The following TRIM16 variants were observed in gnomAD, a reference collection of about 807,000 sequenced individuals.
TRIM16 encodes the protein tripartite motif-containing protein 16.
A neutral mutation model predicts 50.4 loss-of-function variants in TRIM16; 33 were observed. That is an observed-to-expected ratio of 0.65 (90% confidence interval 0.50 to 0.88). The LOEUF is 0.88. TRIM16 is among the 40% of genes least tolerant of loss of function. The probability of loss-of-function intolerance (pLI) is 0.00; values close to 1 mark genes in which losing one functional copy is unlikely to be tolerated. For synonymous variants in TRIM16, 229 were observed against 270.7 expected (o/e 0.85, Z 1.51); for missense variants, 581 against 686.8 (o/e 0.85, Z 1.72).
intron 6 of TRIM16, among the ~76,000 whole-genome samples, chr17:15,659,632 TA>T (rs1988132148): frequency 6.6e-6 from 1 of 152,234 alleles, no homozygotes; most frequent in Non-Finnish European, 1.5e-5. Context: ...GGCTTATGCC[TA>T]AAAATGTCAA....
At chr17:15,634,000 C>T (rs1986576182) in intron 9 of TRIM16, among the ~76,000 whole-genome samples, 1 of 141,450 alleles carries the variant, frequency 7.1e-6, no homozygotes, top group African/African-American at 2.7e-5. Context: ...CGAGACCAGC[C>T]TGGCCAAGAT....
chr17:15,645,434 C>T (rs1304222475), intron 7 of TRIM16, among the ~76,000 whole-genome samples: 1 of 152,114 alleles, frequency 6.6e-6, no homozygotes, highest in East Asian at 1.9e-4. Context: ...TGCTTTGGCC[C>T]CAGCTTCAAT....
Position 15,651,718 on chromosome 17 carries a change from A to AT in TRIM16, c.-110dup. ...CCTAGATGATTGCAGCTGCTGCAAG[A>AT]TTTTAACTGTTTCCTCCCTCCCAGA... On this transcript the variant is annotated 5_prime_UTR_variant, in exon 7 of 12. An upstream open reading frame in the 5' UTR gains an earlier in-frame stop. Coordinates refer to ENST00000649191, the MANE Select transcript of TRIM16 (RefSeq NM_001348119.1). The AT allele has an allele frequency of 6.5e-7, 1 of 1,537,192 alleles. No individual in the cohort carries two copies.
At chr17:15,681,149 TA>T (rs1351579201) in intron 3 of TRIM16, 196 bp from the exon 4 acceptor site, 1 of 490,804 alleles carries the variant, frequency 2.0e-6, no homozygotes, top group African/African-American at 2.0e-5. Flanking sequence ...CAGGGAAAGG[TA>T]TGACCATTAA....
chr17:15,639,052 T>C (rs1198145050), intron 8 of TRIM16, among the ~76,000 whole-genome samples: 6 of 129,572 alleles, frequency 4.6e-5, no homozygotes, highest in Non-Finnish European at 6.6e-5. Context: ...TCTCTTTTTT[T>C]TTTTTTTTTT....
At chr17:15,647,911 C>T (rs1987481029) in intron 7 of TRIM16, among the ~76,000 whole-genome samples, 1 of 151,882 alleles carries the variant, frequency 6.6e-6, no homozygotes, top group Admixed American at 6.6e-5. Context: ...TGGCAGCCAG[C>T]AGGCAAGATC....
rs372778015 is a variant in TRIM16 at position 15,665,011 on chromosome 17, A to G, written c.-338+12165T>C. Among the ~76,000 whole-genome samples the G allele has an allele frequency of 4.2e-4, 57 of 135,434 alleles. 3 individuals carry two copies. The East Asian group carries it at 9.7e-3, about 23-fold the overall frequency. The allele number at this position is 135,434 out of a possible 152,430, so 88.8% of individuals were successfully genotyped here. ...GGCACCATTGCACTCCAGCCTGGGC[A>G]ACAGAGTGAGACTCCGTCTCAAAAA... On this transcript the variant is annotated intron_variant, in intron 6 of 11. Coordinates refer to ENST00000649191, the MANE Select transcript of TRIM16 (RefSeq NM_001348119.1).
intron 6 of TRIM16, among the ~76,000 whole-genome samples, chr17:15,672,551 T>C (rs149586023): frequency 2.3e-3 from 344 of 151,940 alleles, no homozygotes; most frequent in African/African-American, 7.3e-3. Flanking sequence ...CTGGGCTATA[T>C]GGCAAAACAC....
chr17:15,655,884 C>T (rs576650870), intron 6 of TRIM16, among the ~76,000 whole-genome samples: 53 of 152,324 alleles, frequency 3.5e-4, no homozygotes, highest in African/African-American at 1.3e-3. Flanking sequence ...CGTGTCCCCA[C>T]TTAACCTTAG....
rs562539904 is a variant in TRIM16, at chr17:15,636,391, T to C, written c.616-122A>G. 282 of 925,326 alleles carry C rather than the reference T, an allele frequency of 3.0e-4. 25 individuals are homozygous for C. In the South Asian group the frequency reaches 4.6e-3, roughly 15 times the overall value. 57.3% of individuals were successfully genotyped at this position (925,326 alleles called of 1,614,324 possible). On this transcript the variant is annotated intron_variant, in intron 8 of 11. Coordinates refer to ENST00000649191, the MANE Select transcript of TRIM16 (RefSeq NM_001348119.1). ...ACATATATTAGGGAGCAGTTCCCTA[T>C]TGTAAAAGGAATCCTTTATTCTCAT...
chr17:15,680,749 T>G (rs1347583576), intron 4 of TRIM16, 116 bp downstream of exon 4: 6 of 1,238,646 alleles, frequency 4.8e-6, no homozygotes, highest in Middle Eastern at 2.0e-4. Context: ...ACAAGCTTCA[T>G]GCTAAGAGAA....
In TRIM16 at chr17:15,639,045, CTTTTTTTTTTT is replaced by C. The variant is rs529832460; in HGVS notation, c.616-2787_616-2777del. 7.9e-5 allele frequency among the ~76,000 whole-genome samples: 8 copies of C among 100,916 alleles called. 1 individual carries two copies. The highest frequency in any genetic ancestry group is 4.5e-4 in the African/African-American group (8 of 17,896). The allele number at this position is 100,916 out of a possible 152,430, so 66.2% of individuals were successfully genotyped here. A position where few individuals can be genotyped will look rare whatever the true frequency, so the allele number is the denominator to read the frequency against. On this transcript the variant is annotated intron_variant, in intron 8 of 11. Coordinates refer to ENST00000649191, the MANE Select transcript of TRIM16 (RefSeq NM_001348119.1). ...GACAATCTCCCTACATTCTCTCTCT[CTTTTTTTTTTT>C]TTTTTTTTTTTTTTTTAGACAAGGT...
In TRIM16 at chr17:15,632,600, C is replaced by A; in HGVS notation, c.924G>T (p.Ser308=). 1.2e-6 allele frequency: 2 copies of A among 1,613,864 alleles called. No homozygotes were observed. Among genetic ancestry groups the A allele is most frequent in the African/African-American group, 2.7e-5 (2 of 75,024 alleles). ...ATTCCGTGATAACTTTGCGGATGCCCGAGAGTTTATCCTTCAGCCCTACGT... is the reference window on the plus strand; with the variant it reads ...ATTCCGTGATAACTTTGCGGATGCCAGAGAGTTTATCCTTCAGCCCTACGT... ...SVYVGLKDKL[S]GIRKVITEST... The change falls in exon 10 of 12, where the codon TCG becomes TCT. Residue 308 remains serine, a synonymous_variant. Transcript: ENST00000649191.
At chr17:15,678,710 T>C (rs1989051252) in intron 4 of TRIM16, among the ~76,000 whole-genome samples, 1 of 152,244 alleles carries the variant, frequency 6.6e-6, no homozygotes, top group Non-Finnish European at 1.5e-5. Flanking sequence ...TTGGGTCTAT[T>C]GGTTACAACA....
At chr17:15,629,511 T>C (rs913736302) in intron 11 of TRIM16, among the ~76,000 whole-genome samples, 1 of 152,400 alleles carries the variant, frequency 6.6e-6, no homozygotes, top group African/African-American at 2.4e-5. Flanking sequence ...CAAACATGTA[T>C]TGAATGCCTG....
intron 6 of TRIM16, among the ~76,000 whole-genome samples, chr17:15,674,158 T>G (rs1323800556): frequency 6.6e-6 from 1 of 151,762 alleles, no homozygotes; most frequent in African/African-American, 2.4e-5. Context: ...GATCATGAGG[T>G]CAAGAGATTG....
chr17:15,637,330 C>T (rs1986838070), intron 8 of TRIM16, among the ~76,000 whole-genome samples: 2 of 114,316 alleles, frequency 1.7e-5, no homozygotes, highest in Admixed American at 7.6e-5. Context: ...CCAGCCACCC[C>T]GTCCGGGAGG....
intron 6 of TRIM16, among the ~76,000 whole-genome samples, chr17:15,673,093 T>G (rs1266773690): frequency 1.3e-5 from 2 of 152,206 alleles, no homozygotes; most frequent in Non-Finnish European, 2.9e-5. Flanking sequence ...GGAACAACAA[T>G]GGTTTCTACC....
In TRIM16 at chr17:15,638,476, G is replaced by A. The variant is rs571858827; in HGVS notation, c.616-2207C>T. On this transcript the variant is annotated intron_variant, in intron 8 of 11. Transcript: ENST00000649191. The stretch of plus-strand genomic sequence containing the variant: ...GTCCCAGCTACTCAGAGGCTGAGGC[G>A]GGAGAATGGCATGAACCTAGGAAGC... Among the ~76,000 whole-genome samples, 71 of 148,690 alleles carry A rather than the reference G, an allele frequency of 4.8e-4. 2 individuals carry two copies. The South Asian group carries it at 7.0e-3, about 15-fold the overall frequency.
Sources: gnomAD v4.1 joint callset for allele counts (sites outside exome capture counted in the v4.1 genomes callset) on GRCh38, gnomAD v4.1.1 for gene constraint, MANE v1.5 for transcripts, NCBI Gene and HGNC (gene_info 2026-07-23, HGNC 2026-07-21) for gene names.